Variants in DSCAML1 observed in about 807,000 individuals in gnomAD.
DSCAML1 encodes the protein cell adhesion molecule DSCAML1.
A neutral mutation model predicts 200.5 loss-of-function variants in DSCAML1; 38 were observed. That is an observed-to-expected ratio of 0.19 (90% CI 0.15 to 0.25). The LOEUF (loss-of-function observed/expected upper bound fraction) is 0.25. DSCAML1 is among the 10% of genes least tolerant of loss of function. The pLI is 1.00. For missense variants in DSCAML1, 2,223 were observed against 2,858.8 expected (o/e 0.78, Z 5.07); for synonymous variants, 1,215 against 1,165.0 (o/e 1.04, Z -0.87).
chr11:117,695,085 C>A (rs117662635), intron 3 of DSCAML1, among the ~76,000 whole-genome samples: 1,950 of 152,136 alleles, frequency 0.013, 22 homozygotes, highest in Non-Finnish European at 0.02. Context: ...AGAAGCAACA[C>A]AATAAGTGCT....
intron 3 of DSCAML1, among the ~76,000 whole-genome samples, chr11:117,644,738 C>T (rs2052487181): frequency 6.6e-6 from 1 of 152,232 alleles, no homozygotes; most frequent in Non-Finnish European, 1.5e-5. Flanking sequence ...CAATGTTCCT[C>T]TGCACCAGGT....
intron 2 of DSCAML1, among the ~76,000 whole-genome samples, chr11:117,779,537 A>C (rs972135211): frequency 3.3e-5 from 5 of 152,206 alleles, no homozygotes; most frequent in African/African-American, 1.2e-4. Context: ...ACATCCCCTC[A>C]GCAGTAGAAT....
intron 3 of DSCAML1, among the ~76,000 whole-genome samples, chr11:117,552,055 G>T (rs1281310389): frequency 6.6e-6 from 1 of 151,448 alleles, no homozygotes; most frequent in East Asian, 2.0e-4. Flanking sequence ...GTGATGGGGT[G>T]GGGGCAGCTG....
chr11:117,731,880 A>G (rs2054226949), intron 3 of DSCAML1, among the ~76,000 whole-genome samples: 1 of 152,186 alleles, frequency 6.6e-6, no homozygotes, highest in African/African-American at 2.4e-5. Context: ...CACAGCTGGG[A>G]CCCACAGTAA....
chr11:117,662,891 C>T (rs1694220828), intron 3 of DSCAML1, among the ~76,000 whole-genome samples: 1 of 152,148 alleles, frequency 6.6e-6, no homozygotes, highest in African/African-American at 2.4e-5. Context: ...AACAAGCTCC[C>T]CAGATGATTC....
intron 26 of DSCAML1, 118 bp from the exon 27 acceptor site, chr11:117,435,917 C>T: frequency 1.8e-6 from 2 of 1,138,000 alleles, no homozygotes; most frequent in African/African-American, 1.5e-5. Flanking sequence ...CTGACCTCCA[C>T]CTCCTGGCAC....
chr11:117,632,916 G>T (rs1226589489), intron 3 of DSCAML1, among the ~76,000 whole-genome samples: 2 of 152,176 alleles, frequency 1.3e-5, no homozygotes, highest in Non-Finnish European at 2.9e-5. Flanking sequence ...AGGCTTCCAG[G>T]AGTTACCTTA....
chr11:117,554,995 G>A (rs2050535477), intron 3 of DSCAML1, among the ~76,000 whole-genome samples: 1 of 152,180 alleles, frequency 6.6e-6, no homozygotes, highest in Non-Finnish European at 1.5e-5. Flanking sequence ...CTCACATGAT[G>A]GCACCTTGCA....
At chr11:117,757,617 C>T (rs1346697105) in intron 3 of DSCAML1, among the ~76,000 whole-genome samples, 2 of 120,746 alleles carry the variant, frequency 1.7e-5, no homozygotes, top group Non-Finnish European at 3.6e-5. Flanking sequence ...CACACACACA[C>T]ACAATTATTT....
chr11:117,531,754 C>T (rs951483972), intron 4 of DSCAML1, among the ~76,000 whole-genome samples: 8 of 151,892 alleles, frequency 5.3e-5, no homozygotes, highest in Non-Finnish European at 8.8e-5. Flanking sequence ...GGCGTGGTGG[C>T]GCATGCCTAT....
chr11:117,759,546 T>C (rs2054761385), intron 3 of DSCAML1, among the ~76,000 whole-genome samples: 1 of 152,202 alleles, frequency 6.6e-6, no homozygotes, highest in Middle Eastern at 3.4e-3. Flanking sequence ...AACTTTCTCT[T>C]GTAATGTGAG....
At chr11:117,466,834 T>C (rs1177614414) in intron 16 of DSCAML1, among the ~76,000 whole-genome samples, 2 of 152,182 alleles carry the variant, frequency 1.3e-5, no homozygotes, top group East Asian at 3.8e-4. Flanking sequence ...CGCTTAAACA[T>C]GGTTCAAATG....
intron 16 of DSCAML1, among the ~76,000 whole-genome samples, chr11:117,468,905 C>T (rs546737419): frequency 2.6e-5 from 4 of 152,304 alleles, no homozygotes; most frequent in East Asian, 1.9e-4. Context: ...TCCTGTCAGG[C>T]GGAGAGTCAG....
At chr11:117,557,961 A>G (rs1313923759) in intron 3 of DSCAML1, among the ~76,000 whole-genome samples, 1 of 152,160 alleles carries the variant, frequency 6.6e-6, no homozygotes, top group East Asian at 1.9e-4. Context: ...GGCCAGGGAC[A>G]CTGCTAAATA....
At chr11:117,722,749 C>A (rs1365437475) in intron 3 of DSCAML1, among the ~76,000 whole-genome samples, 1 of 152,148 alleles carries the variant, frequency 6.6e-6, no homozygotes, top group Non-Finnish European at 1.5e-5. Flanking sequence ...CGCCTTGCCA[C>A]CCTGTGGATT....
At chr11:117,430,697 C>G (rs745864655) in intron 32 of DSCAML1, 25 bp downstream of exon 32, 3 of 1,589,320 alleles carry the variant, frequency 1.9e-6, no homozygotes, top group Non-Finnish European at 2.6e-6. Context: ...GGGGGCACTG[C>G]CTGGGAGGTG....
intron 3 of DSCAML1, among the ~76,000 whole-genome samples, chr11:117,715,608 C>T (rs1647572791): frequency 6.6e-6 from 1 of 152,226 alleles, no homozygotes; most frequent in Admixed American, 6.5e-5. Flanking sequence ...TTTGAATCCC[C>T]TGTGCCTGGC....
Position 117,428,645 on chromosome 11 carries a change from C to T in DSCAML1, c.5845G>A (p.Ala1949Thr), listed in dbSNP as rs1256518161. The T allele has an allele frequency of 1.9e-6, 3 of 1,611,308 alleles. No individual in the cohort carries two copies. Among genetic ancestry groups the T allele is most frequent in the South Asian group, 2.2e-5 (2 of 90,282 alleles). Residue 1949 changes from alanine (A) to threonine (T), a missense_variant, in exon 33 of 33, where the codon GCC becomes ACC. Coordinates refer to ENST00000651296, the MANE Select transcript of DSCAML1 (RefSeq NM_020693.4). ...TGGGGAAGGCCCAAGGACTTGCTGG[C>T]AGGGTCCAGGGTCAGGTGGCGAGCC... ...TQARHLTLDP[A>T]SKSLGLPHPG...
intron 8 of DSCAML1, among the ~76,000 whole-genome samples, chr11:117,506,473 A>G (rs1255474612): frequency 6.6e-6 from 1 of 151,660 alleles, no homozygotes; most frequent in Non-Finnish European, 1.5e-5. Flanking sequence ...CTCAAGTCCA[A>G]GTGTCATCAC....
Sources: gnomAD v4.1 joint callset for allele counts (sites outside exome capture counted in the v4.1 genomes callset) on GRCh38, gnomAD v4.1.1 for gene constraint, MANE v1.5 for transcripts, NCBI Gene and HGNC (gene_info 2026-07-23, HGNC 2026-07-21) for gene names.